Variants in KCNQ1 observed in about 807,000 individuals in gnomAD.
KCNQ1 encodes the protein potassium voltage-gated channel subfamily Q member 1, also known as potassium voltage-gated channel subfamily KQT member 1.
In KCNQ1, 49 loss-of-function variants were observed where a neutral mutation model predicts 72.4. The observed-to-expected ratio is 0.68, with a 90% CI of 0.54 to 0.86. KCNQ1 has a LOEUF of 0.86. Among genes scored for constraint, KCNQ1 ranks in the 40% least tolerant of loss-of-function variants. The probability of loss-of-function intolerance (pLI) is 0.00; values close to 1 mark genes in which losing one functional copy is unlikely to be tolerated. For missense variants in KCNQ1, 790 were observed against 945.1 expected (o/e 0.84, Z 2.15); for synonymous variants, 450 against 412.6 (o/e 1.09, Z -1.10).
Position 2,670,182 on chromosome 11 carries a change from A to G in KCNQ1, c.1514+8101A>G. The stretch of plus-strand genomic sequence containing the variant: ...CCCATCTGCCAAGGCAAGCACCCAC[A>G]TTAAAGCAGAGTGAAGAGCAGGGCG... On this transcript the variant is annotated intron_variant, in intron 11 of 15. Transcript: ENST00000155840. This position sits in a 1 kb window ranked among gnomAD's most constrained non-coding sequence, Gnocchi z 4.9. 2.5e-6 allele frequency: 1 copy of G among 398,664 alleles called. No homozygotes were observed. 24.7% of individuals were successfully genotyped at this position (398,664 alleles called of 1,614,324 possible).
At chr11:2,790,982 C>G (rs1236947914) in intron 15 of KCNQ1, among the ~76,000 whole-genome samples, 1 of 152,192 alleles carries the variant, frequency 6.6e-6, no homozygotes, top group Non-Finnish European at 1.5e-5. Flanking sequence ...CCCACACTAG[C>G]GTCTCTCTTT....
rs909663809 is a variant in KCNQ1, at chr11:2,692,949, C to T, written c.1514+30868C>T. ...TCCCAAGCAGGTTGTCCTGCCCATA[C>T]GCTCAATAATGAGGCCCACTGAACT... On this transcript the variant is annotated intron_variant, in intron 11 of 15. Coordinates refer to ENST00000155840, the MANE Select transcript of KCNQ1 (RefSeq NM_000218.3). 25 of 398,688 alleles carry T rather than the reference C, an allele frequency of 6.3e-5. No homozygotes were observed. In the Admixed American group the frequency reaches 7.5e-4, roughly 12 times the overall value. The allele number at this position is 398,688 out of a possible 1,614,324, so 24.7% of individuals were successfully genotyped here.
chr11:2,597,558 C>T (rs1026209668), intron 10 of KCNQ1, among the ~76,000 whole-genome samples: 2 of 152,176 alleles, frequency 1.3e-5, no homozygotes, highest in Non-Finnish European at 2.9e-5. Flanking sequence ...GTACATCTTT[C>T]AGAAGAGTAT....
intron 1 of KCNQ1, among the ~76,000 whole-genome samples, chr11:2,453,596 C>T (rs185510330): frequency 4.6e-5 from 7 of 152,274 alleles, no homozygotes; most frequent in Admixed American, 1.3e-4. Context: ...AGAGGGGTGT[C>T]GAGGAAAATG....
At chr11:2,557,240 A>G (rs1178103628) in intron 2 of KCNQ1, among the ~76,000 whole-genome samples, 2 of 152,244 alleles carry the variant, frequency 1.3e-5, no homozygotes, top group Non-Finnish European at 2.9e-5. Context: ...ATCAGGCACT[A>G]TTAGAAGACC....
At chr11:2,615,750 T>C (rs1469746936) in intron 10 of KCNQ1, 1 of 398,008 alleles carries the variant, frequency 2.5e-6, no homozygotes, top group African/African-American at 2.1e-5. Flanking sequence ...TCATGATATA[T>C]AATCCTTTTT....
Position 2,458,718 on chromosome 11 carries a change from T to A in KCNQ1, c.386+13234T>A, listed in dbSNP as rs994332329. 2.2e-4 allele frequency among the ~76,000 whole-genome samples: 33 copies of A among 152,088 alleles called. No individual in the cohort carries two copies. The highest frequency in any genetic ancestry group is 7.7e-4 in the African/African-American group (32 of 41,406). On this transcript the variant is annotated intron_variant, in intron 1 of 15. Coordinates refer to ENST00000155840, the MANE Select transcript of KCNQ1 (RefSeq NM_000218.3). The surrounding 1 kb of genome is among the most constrained non-coding windows in gnomAD (Gnocchi z 4.6). ...ATCTCACCAAGCCTCGTGCTCTAAG[T>A]ACAAGTTTACTGGAAATACTCGGGC...
At chr11:2,821,020 G>A (rs561846407) in intron 15 of KCNQ1, among the ~76,000 whole-genome samples, 16 of 152,234 alleles carry the variant, frequency 1.1e-4, no homozygotes, top group Non-Finnish European at 1.9e-4. Context: ...TCCTTAACCT[G>A]CCTTGCTTTT....
In KCNQ1 at chr11:2,682,822, G is replaced by A; in HGVS notation, c.1514+20741G>A. ...CAGTGACTTGCAGTGATCCTCCTGG[G>A]GCCTTGTATAGAAGAGACCATCTCA... is the stretch of plus-strand genomic sequence containing the variant. On this transcript the variant is annotated intron_variant, in intron 11 of 15. Transcript: ENST00000155840. This position sits in a 1 kb window ranked among gnomAD's most constrained non-coding sequence, Gnocchi z 5.8. The A allele has an allele frequency of 2.5e-6, 1 of 398,596 alleles. No individual in the cohort carries two copies. Among genetic ancestry groups the A allele is most frequent in the East Asian group, 3.6e-5 (1 of 28,078 alleles). 24.7% of individuals were successfully genotyped at this position (398,596 alleles called of 1,614,324 possible).
Position 2,620,838 on chromosome 11 carries a change from C to G in KCNQ1, c.1393+31984C>G, listed in dbSNP as rs1849157401. 2.5e-6 allele frequency: 1 copy of G among 398,566 alleles called. No homozygotes were observed. The highest frequency in any genetic ancestry group is 4.4e-6 in the Non-Finnish European group (1 of 226,078). The allele number at this position is 398,566 out of a possible 1,614,324, so 24.7% of individuals were successfully genotyped here. ...TATAAGCGTTCCCTTTTCTCTGCAG[C>G]CTTCCCAGCAACTTTTATTTTTTTG... On this transcript the variant is annotated intron_variant, in intron 10 of 15. Transcript: ENST00000155840. This position sits in a 1 kb window ranked among gnomAD's most constrained non-coding sequence, Gnocchi z 4.5.
intron 10 of KCNQ1, chr11:2,660,727 CTTCATTCA>C (rs1298392374): frequency 5.0e-6 from 2 of 398,548 alleles, no homozygotes; most frequent in Non-Finnish European, 8.8e-6. Context: ...TCATTCAACA[CTTCATTCA>C]GGCATGGATG....
chr11:2,668,290 G>A lies in KCNQ1; in HGVS notation c.1514+6209G>A, dbSNP rs1279479749. On this transcript the variant is annotated intron_variant, in intron 11 of 15. Transcript: ENST00000155840. This position sits in a 1 kb window ranked among gnomAD's most constrained non-coding sequence, Gnocchi z 4.3. Reference sequence around the variant, plus strand: ...AATATTCTGTACATGCTTTTGGTGAGCATCAGGTTGCGTTTCTGGGGAATA... The same window carrying A: ...AATATTCTGTACATGCTTTTGGTGAACATCAGGTTGCGTTTCTGGGGAATA... 5.0e-6 allele frequency: 2 copies of A among 398,528 alleles called. No individual in the cohort carries two copies. Among genetic ancestry groups the A allele is most frequent in the Non-Finnish European group, 8.8e-6 (2 of 226,104 alleles). The allele number at this position is 398,528 out of a possible 1,614,324, so 24.7% of individuals were successfully genotyped here.
At position 2,815,736 on chromosome 11, in the gene KCNQ1, C is replaced by T. The variant is rs1051971548; in HGVS notation, c.1795-32031C>T. 6.6e-6 allele frequency among the ~76,000 whole-genome samples: 1 copy of T among 152,080 alleles called. No individual in the cohort carries two copies. Among genetic ancestry groups the T allele is most frequent in the African/African-American group, 2.4e-5 (1 of 41,412 alleles). On this transcript the variant is annotated intron_variant, in intron 15 of 15. Coordinates refer to ENST00000155840, the MANE Select transcript of KCNQ1 (RefSeq NM_000218.3). This position sits in a 1 kb window ranked among gnomAD's most constrained non-coding sequence, Gnocchi z 5.4. ...GAGACTATTCAGGAGAGGGTGGGAG[C>T]AGACACGGGAGTAGGATGGGGGCCC...
In KCNQ1 at chr11:2,547,844, G is replaced by T. The variant is rs2283157; in HGVS notation, c.477+19826G>T. Among the ~76,000 whole-genome samples, 172 of 152,352 alleles carry T rather than the reference G, an allele frequency of 1.1e-3. 6 individuals are homozygous for T. In the East Asian group the frequency reaches 0.032, roughly 28 times the overall value. On this transcript the variant is annotated intron_variant, in intron 2 of 15. Coordinates refer to ENST00000155840, the MANE Select transcript of KCNQ1 (RefSeq NM_000218.3). This position sits in a 1 kb window ranked among gnomAD's most constrained non-coding sequence, Gnocchi z 4.2. ...GTCTCTGTATGGAGGTGAAGGTCCA[G>T]ATGTTGGGGTTTCAGGGTCAAGCAT...
In KCNQ1 at chr11:2,678,595, C is replaced by T. The variant is rs1350127704; in HGVS notation, c.1514+16514C>T. 5.0e-6 allele frequency: 2 copies of T among 398,608 alleles called. No individual in the cohort carries two copies. Among genetic ancestry groups the T allele is most frequent in the Non-Finnish European group, 8.8e-6 (2 of 226,068 alleles). 24.7% of individuals were successfully genotyped at this position (398,608 alleles called of 1,614,324 possible). On this transcript the variant is annotated intron_variant, in intron 11 of 15. Transcript: ENST00000155840. The surrounding 1 kb of genome is among the most constrained non-coding windows in gnomAD (Gnocchi z 4.9). Reference sequence around the variant, plus strand: ...CTTTATGATGCACTTATCTGTGTAGCAGGACTCCCCCTCATCTCCATTACT... The same window carrying T: ...CTTTATGATGCACTTATCTGTGTAGTAGGACTCCCCCTCATCTCCATTACT...
intron 11 of KCNQ1, chr11:2,693,702 A>G (rs1564860487): frequency 2.5e-6 from 1 of 398,570 alleles, no homozygotes; most frequent in Non-Finnish European, 4.4e-6. Flanking sequence ...CTCCAGCCTC[A>G]TGGGCCTTCC....
rs978740411 is a variant in KCNQ1, at chr11:2,654,532, C to T, written c.1394-7429C>T. The T allele has an allele frequency of 2.5e-6, 1 of 398,668 alleles. No individual in the cohort carries two copies. Among genetic ancestry groups the T allele is most frequent in the Non-Finnish European group, 4.4e-6 (1 of 226,232 alleles). 24.7% of individuals were successfully genotyped at this position (398,668 alleles called of 1,614,324 possible). The stretch of plus-strand genomic sequence containing the variant: ...GCCCTGGAAAGCTTGTGGAAGAGGG[C>T]TTGGGTTACACCTGGGAGATTAGGC... On this transcript the variant is annotated intron_variant, in intron 10 of 15. Coordinates refer to ENST00000155840, the MANE Select transcript of KCNQ1 (RefSeq NM_000218.3). The surrounding 1 kb of genome is among the most constrained non-coding windows in gnomAD (Gnocchi z 6.4).
At chr11:2,629,914 T>A in intron 10 of KCNQ1, 1 of 398,436 alleles carries the variant, frequency 2.5e-6, no homozygotes, top group Non-Finnish European at 4.4e-6. Flanking sequence ...TGTATTTATT[T>A]ATTTTTCTTG....
rs34219164 is a variant in KCNQ1 at position 2,674,832 on chromosome 11, T to TAA, written c.1514+12778_1514+12779dup. 2,050 of 300,970 alleles carry TAA rather than the reference T, an allele frequency of 6.8e-3. 10 individuals are homozygous for TAA. The highest frequency in any genetic ancestry group is 0.013 in the Middle Eastern group (16 of 1,260). 18.6% of individuals were successfully genotyped at this position (300,970 alleles called of 1,614,324 possible). A position where few individuals can be genotyped will look rare whatever the true frequency, so the allele number is the denominator to read the frequency against. On this transcript the variant is annotated intron_variant, in intron 11 of 15. Coordinates refer to ENST00000155840, the MANE Select transcript of KCNQ1 (RefSeq NM_000218.3). This position sits in a 1 kb window ranked among gnomAD's most constrained non-coding sequence, Gnocchi z 5.9. Reference sequence around the variant, plus strand: ...GCTTGTCACCCTAATAGCTGTTTTTTAAAAAAAAAAAAAAAAAAAAAAAAA... The same window carrying TAA: ...GCTTGTCACCCTAATAGCTGTTTTTTAAAAAAAAAAAAAAAAAAAAAAAAAAA...
Sources: gnomAD v4.1 joint callset for allele counts (sites outside exome capture counted in the v4.1 genomes callset) on GRCh38, gnomAD v4.1.1 for gene constraint, Gnocchi (gnomAD v3.1) non-coding constraint, MANE v1.5 for transcripts, NCBI Gene and HGNC (gene_info 2026-07-23, HGNC 2026-07-21) for gene names.